BCR: variants seen among roughly 807,000 people sequenced by gnomAD.
BCR encodes BCR activator of RhoGEF and GTPase, also known as breakpoint cluster region protein.
A neutral mutation model predicts 138.6 loss-of-function variants in BCR; 58 were observed. The observed-to-expected ratio is 0.42, with a 90% CI of 0.34 to 0.52. The LOEUF (loss-of-function observed/expected upper bound fraction) is 0.52. BCR is among the 20% of genes least tolerant of loss of function. The pLI is 0.06. For missense variants in BCR, 1,599 were observed against 1,727.2 expected (o/e 0.93, Z 1.32); for synonymous variants, 786 against 730.1 (o/e 1.08, Z -1.23).
At chr22:23,234,302 A>C (rs2072997286) in intron 1 of BCR, among the ~76,000 whole-genome samples, 1 of 152,078 alleles carries the variant, frequency 6.6e-6, no homozygotes, top group Non-Finnish European at 1.5e-5. Context: ...TGTGAATGTG[A>C]AGTTATTTAC....
intron 1 of BCR, among the ~76,000 whole-genome samples, chr22:23,248,743 G>A (rs896496575): frequency 1.3e-5 from 2 of 152,148 alleles, no homozygotes; most frequent in Non-Finnish European, 2.9e-5. Context: ...GTTCAGGTGA[G>A]CAGCAGCCAG....
chr22:23,296,650 G>T (rs747323279), intron 16 of BCR, among the ~76,000 whole-genome samples: 1 of 152,154 alleles, frequency 6.6e-6, no homozygotes, highest in Admixed American at 6.5e-5. Flanking sequence ...TTGAGATCAG[G>T]TTTAAAAGCA....
chr22:23,284,457 T>C (rs1022116140), intron 9 of BCR, among the ~76,000 whole-genome samples: 2 of 151,988 alleles, frequency 1.3e-5, no homozygotes, highest in African/African-American at 4.8e-5. Context: ...TTCCGAGTTA[T>C]CCTCGGCATA....
At chr22:23,291,349 G>A (rs2073784704) in intron 14 of BCR, among the ~76,000 whole-genome samples, 1 of 151,988 alleles carries the variant, frequency 6.6e-6, no homozygotes, top group Non-Finnish European at 1.5e-5. Flanking sequence ...GCAGTGTCGT[G>A]AAAAGACTGT....
intron 16 of BCR, among the ~76,000 whole-genome samples, chr22:23,295,916 TC>T (rs2073840366): frequency 2.0e-5 from 3 of 152,082 alleles, no homozygotes; most frequent in African/African-American, 7.2e-5. Flanking sequence ...GTGCATTATA[TC>T]AGTGGGTTGT....
At chr22:23,280,018 TC>T (rs1487908680) in intron 8 of BCR, among the ~76,000 whole-genome samples, 1 of 152,164 alleles carries the variant, frequency 6.6e-6, no homozygotes, top group Admixed American at 6.5e-5. Context: ...TCTCTTTTTT[TC>T]CTTCTTATGA....
Position 23,181,762 on chromosome 22 carries a change from A to T in BCR, c.802A>T (p.Arg268Trp). ...DNLIDANGGS[R>W]PPWPPLEYQP... ...CCTGATCGACGCCAATGGCGGTAGC[A>T]GGCCCCCTTGGCCGCCCCTGGAGTA... The change falls in exon 1 of 23, where the codon AGG becomes TGG. Residue 268 changes from arginine (R) to tryptophan (W), a missense_variant. Arg to Trp is a moderately radical substitution (Grantham distance 101, BLOSUM62 -3). Around this residue, in one of 4 missense-constraint regions of BCR, gnomAD observed 806 missense variants for 635.0 expected, o/e 1.27. Transcript: ENST00000305877. 1 of 1,605,856 alleles carries T rather than the reference A, an allele frequency of 6.2e-7. No individual in the cohort carries two copies. Among genetic ancestry groups the T allele is most frequent in the Non-Finnish European group, 8.5e-7 (1 of 1,179,964 alleles).
intron 4 of BCR, among the ~76,000 whole-genome samples, chr22:23,266,043 C>T (rs144082792): frequency 1.1e-4 from 17 of 152,262 alleles, no homozygotes; most frequent in African/African-American, 3.9e-4. Context: ...TCCATCTGTA[C>T]CAGTTCCTTA....
At chr22:23,249,206 G>A (rs1161745988) in intron 1 of BCR, among the ~76,000 whole-genome samples, 1 of 151,970 alleles carries the variant, frequency 6.6e-6, no homozygotes, top group Admixed American at 6.6e-5. Flanking sequence ...AAGGTGGGTG[G>A]ATCACAAGGT....
At chr22:23,196,763 A>G (rs572626912) in intron 1 of BCR, among the ~76,000 whole-genome samples, 1 of 152,284 alleles carries the variant, frequency 6.6e-6, no homozygotes, top group South Asian at 2.1e-4. Context: ...ATGAGAATCT[A>G]ATACTGCTGC....
chr22:23,189,244 C>A (rs2072384327), intron 1 of BCR, among the ~76,000 whole-genome samples: 1 of 152,156 alleles, frequency 6.6e-6, no homozygotes, highest in South Asian at 2.1e-4. Context: ...TGTTTTGCAA[C>A]CATCACCACT....
intron 1 of BCR, among the ~76,000 whole-genome samples, chr22:23,221,781 G>GGTTGTCTTT (rs1250563775): frequency 6.6e-6 from 1 of 152,110 alleles, no homozygotes; most frequent in Non-Finnish European, 1.5e-5. Context: ...GGGAGGGTGG[G>GGTTGTCTTT]GTTGTCTTTG....
At chr22:23,202,098 G>A (rs1049562621) in intron 1 of BCR, among the ~76,000 whole-genome samples, 4 of 152,146 alleles carry the variant, frequency 2.6e-5, no homozygotes, top group African/African-American at 9.7e-5. Context: ...TTGTAGTGGA[G>A]TTATGGTTTA....
In BCR at chr22:23,200,207, C is replaced by T. The variant is rs116080165; in HGVS notation, c.1279+17968C>T. On this transcript the variant is annotated intron_variant, in intron 1 of 22. Transcript: ENST00000305877. ...ACATCCTCAGATATGTAGATGTCAC[C>T]GTGTGGGCTCAGACATCCAGGGTGG... Among the ~76,000 whole-genome samples the T allele has an allele frequency of 3.0e-3, 450 of 152,268 alleles. 4 individuals carry two copies. Among genetic ancestry groups the T allele is most frequent in the African/African-American group, 0.01 (429 of 41,542 alleles).
intron 1 of BCR, among the ~76,000 whole-genome samples, chr22:23,226,818 C>T (rs1037385439): frequency 6.6e-6 from 1 of 152,126 alleles, no homozygotes; most frequent in African/African-American, 2.4e-5. Context: ...AATGGAGAGA[C>T]ATGGAATAGC....
chr22:23,245,980 C>T (rs1165250261), intron 1 of BCR, among the ~76,000 whole-genome samples: 1 of 152,206 alleles, frequency 6.6e-6, no homozygotes, highest in African/African-American at 2.4e-5. Flanking sequence ...CAGTCACCGA[C>T]CTCCTTTCTG....
chr22:23,290,223 G>T lies in BCR; in HGVS notation c.2708-116G>T. ...CATGACACTGGCTTACCTTGTGCCA[G>T]GCAGATGGCAGCCACACAGTGTCCA... On this transcript the variant is annotated intron_variant, in intron 13 of 22. Transcript: ENST00000305877. 3 of 1,038,654 alleles carry T rather than the reference G, an allele frequency of 2.9e-6. No homozygotes were observed. The highest frequency in any genetic ancestry group is 4.5e-6 in the Non-Finnish European group (3 of 663,246). The allele number at this position is 1,038,654 out of a possible 1,614,324, so 64.3% of individuals were successfully genotyped here. A position where few individuals can be genotyped will look rare whatever the true frequency, so the allele number is the denominator to read the frequency against.
intron 8 of BCR, among the ~76,000 whole-genome samples, chr22:23,282,458 G>A (rs943937042): frequency 3.3e-5 from 5 of 152,246 alleles, no homozygotes; most frequent in Admixed American, 6.5e-5. Context: ...GCTGCCTGTC[G>A]TGAGCCAAGC....
At chr22:23,262,461 T>C (rs1028778943) in intron 4 of BCR, among the ~76,000 whole-genome samples, 1 of 152,216 alleles carries the variant, frequency 6.6e-6, no homozygotes, top group Non-Finnish European at 1.5e-5. Flanking sequence ...CTTAATTTGT[T>C]CCAGTTCTTG....
Sources: gnomAD v4.1 joint callset for allele counts (sites outside exome capture counted in the v4.1 genomes callset) on GRCh38, gnomAD v4.1.1 for gene constraint, gnomAD v4.1.1 regional missense constraint, MANE v1.5 for transcripts, NCBI Gene and HGNC (gene_info 2026-07-23, HGNC 2026-07-21) for gene names.